The following DIXDC1 variants were observed in gnomAD, a reference collection of about 807,000 sequenced individuals.
The protein encoded by DIXDC1 is dixin.
A neutral mutation model predicts 103.1 loss-of-function variants in DIXDC1; 64 were observed. The ratio of observed to expected loss-of-function variants is 0.62; its 90% CI spans 0.51 to 0.76. The LOEUF is 0.76. DIXDC1 is among the 30% of genes least tolerant of loss of function. The pLI is 0.00. For synonymous variants in DIXDC1, 266 were observed against 298.5 expected, an observed-to-expected ratio of 0.89 and a Z score of 1.12; for missense variants, 759 against 834.2, an observed-to-expected ratio of 0.91 and a Z score of 1.11.
At chr11:111,996,277 C>A in intron 17 of DIXDC1, 131 bp downstream of exon 17, 1 of 740,740 alleles carries the variant, frequency 1.3e-6, no homozygotes, top group Non-Finnish European at 2.1e-6. Context: ...GTTTCTGTAG[C>A]AATACTGCAA....
At position 111,982,473 on chromosome 11, in the gene DIXDC1, A is replaced by G. The variant is rs1362511745; in HGVS notation, c.904A>G (p.Ile302Val). 11 of 1,613,202 alleles carry G rather than the reference A, an allele frequency of 6.8e-6. No homozygotes were observed. The highest frequency in any genetic ancestry group is 4.0e-5 in the African/African-American group (3 of 74,934). ...AGAAATGGAGGAAGCAAAGAAAATG[A>G]TATCAGGACTACAGGTAGCTCTCTC... Reference protein sequence around the residue: ...EKEMEEAKKMISGLQALLLNG... With the variant: ...EKEMEEAKKMVSGLQALLLNG... The change falls in exon 7 of 20, where the codon ATA becomes GTA. Residue 302 changes from isoleucine to valine, a missense_variant. Coordinates refer to ENST00000440460, the MANE Select transcript of DIXDC1 (RefSeq NM_001037954.4).
Position 111,964,659 on chromosome 11 carries a change from A to G in DIXDC1, c.171A>G (p.Ala57=), listed in dbSNP as rs1481169563. 8.1e-6 allele frequency: 13 copies of G among 1,609,956 alleles called. No individual in the cohort carries two copies. Among genetic ancestry groups the G allele is most frequent in the African/African-American group, 6.7e-5 (5 of 74,890 alleles). ...RQDLRDGVIL[A]YLIEIVAGEK... ...ATCTCCGGGATGGGGTGATCCTGGC[A>G]TATCTCATCGAGATTGTTGGTCAGT... Residue 57 remains alanine (A), a synonymous_variant, in exon 2 of 20, where the codon GCA becomes GCG. Transcript: ENST00000440460.
upstream of DIXDC1, chr11:111,937,127 C>CGGGGGG (rs200146124): frequency 4.6e-4 from 238 of 519,276 alleles, 3 homozygotes; most frequent in Admixed American, 1.3e-3. Context: ...TGCTGCGGCC[C>CGGGGGG]GGGCGGGGGG....
intron 1 of DIXDC1, among the ~76,000 whole-genome samples, chr11:111,949,925 T>A (rs1966722308): frequency 6.6e-6 from 1 of 152,200 alleles, no homozygotes; most frequent in Non-Finnish European, 1.5e-5. Context: ...TAGCTTTTTT[T>A]TTTAAACGTT....
intron 17 of DIXDC1, among the ~76,000 whole-genome samples, chr11:112,006,670 TG>T (rs1187746404): frequency 1.3e-5 from 2 of 152,230 alleles, no homozygotes; most frequent in African/African-American, 4.8e-5. Context: ...AAACAGGGTC[TG>T]GAGTGGACCT....
chr11:111,957,911 T>C (rs1415062428), intron 1 of DIXDC1, among the ~76,000 whole-genome samples: 1 of 152,192 alleles, frequency 6.6e-6, no homozygotes, highest in African/African-American at 2.4e-5. Flanking sequence ...CCGGCTGCAG[T>C]GGGGCAGGTG....
intron 9 of DIXDC1, among the ~76,000 whole-genome samples, chr11:111,988,772 C>T (rs1229227683): frequency 6.6e-6 from 1 of 152,168 alleles, no homozygotes; most frequent in East Asian, 1.9e-4. Flanking sequence ...CAACTCTTCT[C>T]TACCTGAGCA....
At chr11:111,966,207 G>GTT (rs1217671835) in intron 2 of DIXDC1, among the ~76,000 whole-genome samples, 24 of 110,202 alleles carry the variant, frequency 2.2e-4, no homozygotes, top group South Asian at 3.0e-4. Flanking sequence ...AAAACCCGGG[G>GTT]TTTTTTTTTT....
rs1860868499 is a variant in DIXDC1 at position 111,995,505 on chromosome 11, A to G, written c.1630A>G (p.Ile544Val). ...HHTIDSLEQG[I>V]SSLMERLHVM... ...CACTATTGACAGCTTGGAGCAGGGC[A>G]TTTCTAGCCTCATGGAGCGCCTGCA... Residue 544 changes from isoleucine to valine, a missense_variant, in exon 16 of 20, where the codon ATT becomes GTT. Physicochemically the swap from Ile to Val is conservative, Grantham distance 29. Coordinates refer to ENST00000440460, the MANE Select transcript of DIXDC1 (RefSeq NM_001037954.4). 2 of 1,614,004 alleles carry G rather than the reference A, an allele frequency of 1.2e-6. No homozygotes were observed. Among genetic ancestry groups the G allele is most frequent in the Non-Finnish European group, 1.7e-6 (2 of 1,179,902 alleles).
At chr11:111,968,757 A>G (rs782797165) in intron 3 of DIXDC1, 119 bp downstream of exon 3, 1 of 1,130,928 alleles carries the variant, frequency 8.8e-7, no homozygotes, top group South Asian at 2.9e-5. Flanking sequence ...ATTTTATTTT[A>G]TTTTTTATTT....
At chr11:111,937,959 G>A (rs587725307) in intron 1 of DIXDC1, among the ~76,000 whole-genome samples, 16 of 152,382 alleles carry the variant, frequency 1.0e-4, no homozygotes, top group African/African-American at 3.8e-4. Context: ...CCAAGGGAGG[G>A]TGGAGTGGTA....
chr11:111,956,678 C>T (rs1454726975), intron 1 of DIXDC1, among the ~76,000 whole-genome samples: 5 of 151,966 alleles, frequency 3.3e-5, no homozygotes, highest in African/African-American at 4.8e-5. Flanking sequence ...TTAGTAGAGA[C>T]GAGGTTTCAC....
chr11:111,931,488 C>A (rs56005613), intron 2 of DIXDC1, among the ~76,000 whole-genome samples: 1 of 151,942 alleles, frequency 6.6e-6, no homozygotes, highest in African/African-American at 2.4e-5. Flanking sequence ...ACTAAAAAAA[C>A]AAAAATTAGC....
upstream of DIXDC1, among the ~76,000 whole-genome samples, chr11:111,932,862 A>T (rs957091450): frequency 1.4e-5 from 2 of 144,834 alleles, no homozygotes; most frequent in Non-Finnish European, 2.9e-5. Flanking sequence ...TGTTATGTGT[A>T]TATTTATGTG....
intron 6 of DIXDC1, 72 bp downstream of exon 6, chr11:111,980,921 C>A: frequency 2.4e-6 from 3 of 1,256,010 alleles, no homozygotes; most frequent in African/African-American, 1.5e-5. Flanking sequence ...TCCCCATCAC[C>A]AATAAGCTCC....
rs58755877 is a variant in DIXDC1 at position 111,971,724 on chromosome 11, G to GTATATCTATATCTATATCTATATC, written c.317-2281_317-2258dup. 2.3e-3 allele frequency among the ~76,000 whole-genome samples: 339 copies of GTATATCTATATCTATATCTATATC among 147,798 alleles called. 1 individual carries two copies. Among genetic ancestry groups the GTATATCTATATCTATATCTATATC allele is most frequent in the African/African-American group, 7.1e-3 (280 of 39,592 alleles). On this transcript the variant is annotated intron_variant, in intron 3 of 19. Coordinates refer to ENST00000440460, the MANE Select transcript of DIXDC1 (RefSeq NM_001037954.4). ...GCAGTGAATAAATAAAATGTGGTGT[G>GTATATCTATATCTATATCTATATC]TATATCTATATCTATATCTATATCT...
intron 4 of DIXDC1, among the ~76,000 whole-genome samples, chr11:111,974,555 G>A (rs1348383903): frequency 6.6e-6 from 1 of 152,186 alleles, no homozygotes; most frequent in East Asian, 1.9e-4. Context: ...AGGTCCGTGG[G>A]AGCAGTGTTC....
At chr11:111,968,199 T>C (rs1315689775) in intron 2 of DIXDC1, among the ~76,000 whole-genome samples, 2 of 152,224 alleles carry the variant, frequency 1.3e-5, no homozygotes, top group African/African-American at 4.8e-5. Context: ...TATTGTTCTT[T>C]TTCTCTCCTT....
chr11:111,943,475 TTTTC>T (rs1555169060), intron 1 of DIXDC1, among the ~76,000 whole-genome samples: 1 of 149,846 alleles, frequency 6.7e-6, no homozygotes, highest in Non-Finnish European at 1.5e-5. Flanking sequence ...ATTTTTGGAA[TTTTC>T]TTTCTCTCTT....
Sources: allele counts gnomAD v4.1 joint callset (sites outside exome capture counted in the v4.1 genomes callset), GRCh38; gene constraint gnomAD v4.1.1; transcripts MANE v1.5; gene names NCBI Gene and HGNC (gene_info 2026-07-23, HGNC 2026-07-21).